The following USP33 variants were observed in gnomAD, a reference collection of about 807,000 sequenced individuals.
USP33 encodes the protein ubiquitin specific peptidase 33, also known as ubiquitin carboxyl-terminal hydrolase 33.
In USP33, 46 loss-of-function variants were observed where a neutral mutation model predicts 124.2. The observed-to-expected ratio is 0.37, with a 90% confidence interval of 0.29 to 0.47. USP33 has a LOEUF of 0.47. Ranked by LOEUF, USP33 falls within the 20% of genes least tolerant of loss-of-function variation. The pLI, the probability that USP33 is intolerant of heterozygous loss-of-function variation, is 0.99. For synonymous variants in USP33, 350 were observed against 352.3 expected, an observed-to-expected ratio of 0.99 and a Z score of 0.07; for missense variants, 851 against 1,070.6, an observed-to-expected ratio of 0.79 and a Z score of 2.86.
At chr1:77,753,505 G>T (rs717333) in intron 1 of USP33, among the ~76,000 whole-genome samples, 63,548 of 152,012 alleles carry the variant, frequency 0.42, 15,460 homozygotes, top group African/African-American at 0.67. Context: ...CTTAATGTTC[G>T]CATAAAATAA....
At chr1:77,705,201 A>T (rs571906037) in intron 21 of USP33, among the ~76,000 whole-genome samples, 390 of 143,346 alleles carry the variant, frequency 2.7e-3, no homozygotes, top group African/African-American at 6.1e-3. Context: ...TTTATTTTTT[A>T]TTTTTTTTTT....
At chr1:77,753,438 A>AAT (rs1557875344) in intron 1 of USP33, among the ~76,000 whole-genome samples, 2 of 152,148 alleles carry the variant, frequency 1.3e-5, no homozygotes, top group African/African-American at 4.8e-5. Flanking sequence ...TACAAAAAAA[A>AAT]AATAATAATT....
At chr1:77,720,688 G>A (rs1006891046) in intron 15 of USP33, 5 of 852,322 alleles carry the variant, frequency 5.9e-6, no homozygotes, top group Admixed American at 6.2e-5. Context: ...CCACTAAGAA[G>A]CATTAAAAGT....
chr1:77,706,370 T>A (rs1674629243), intron 21 of USP33, among the ~76,000 whole-genome samples: 1 of 152,230 alleles, frequency 6.6e-6, no homozygotes, highest in African/African-American at 2.4e-5. Context: ...TTTTTGCCTA[T>A]CTTCCAATTG....
chr1:77,695,992 C>T lies in USP33; in HGVS notation c.*1325G>A, dbSNP rs1673416415. 1 of 152,158 alleles carries T rather than the reference C, an allele frequency of 6.6e-6. No homozygotes were observed. The highest frequency in any genetic ancestry group is 2.4e-5 in the African/African-American group (1 of 41,436). The allele number at this position is 152,158 out of a possible 1,614,324, so 9.4% of individuals were successfully genotyped here. A position where few individuals can be genotyped will look rare whatever the true frequency, so the allele number is the denominator to read the frequency against. On this transcript the variant is annotated 3_prime_UTR_variant, in exon 24 of 24. Transcript: ENST00000370794. Reference sequence around the variant, plus strand: ...AAATAAATTCAACATTCAAGTTTTACATTTTAAAGACATTTTTATTGAGCT... The same window carrying T: ...AAATAAATTCAACATTCAAGTTTTATATTTTAAAGACATTTTTATTGAGCT...
intron 22 of USP33, among the ~76,000 whole-genome samples, chr1:77,700,974 T>C (rs960035460): frequency 6.6e-6 from 1 of 152,196 alleles, no homozygotes; most frequent in Non-Finnish European, 1.5e-5. Context: ...TTTGGGATTA[T>C]GGGCGTGAGC....
At chr1:77,740,026 T>A (rs1267475429) in intron 4 of USP33, among the ~76,000 whole-genome samples, 1 of 152,222 alleles carries the variant, frequency 6.6e-6, no homozygotes. Flanking sequence ...ATTAATTCTA[T>A]AGAGGAATCC....
At chr1:77,706,990 T>C (rs1226007091) in intron 21 of USP33, among the ~76,000 whole-genome samples, 1 of 152,178 alleles carries the variant, frequency 6.6e-6, no homozygotes, top group East Asian at 1.9e-4. Flanking sequence ...CCTGGCCATT[T>C]TGAGTTTCTC....
chr1:77,722,500 C>A (rs1194835216), intron 12 of USP33: 1 of 194,272 alleles, frequency 5.1e-6, no homozygotes, highest in African/African-American at 2.3e-5. Context: ...GCCACTGCAT[C>A]TTGAGGTCCA....
intron 11 of USP33, among the ~76,000 whole-genome samples, chr1:77,724,176 G>A (rs1411094428): frequency 2.0e-5 from 3 of 151,938 alleles, no homozygotes; most frequent in Non-Finnish European, 4.4e-5. Flanking sequence ...AATAGAAGGG[G>A]TTCGGTCTCC....
At chr1:77,697,758 CA>C in intron 23 of USP33, 104 bp downstream of exon 23, 1 of 1,183,630 alleles carries the variant, frequency 8.4e-7, no homozygotes, top group Non-Finnish European at 1.2e-6. Context: ...GTATGGATTA[CA>C]TTCTTCAGTT....
intron 18 of USP33, among the ~76,000 whole-genome samples, chr1:77,715,095 T>TAA (rs201047695): frequency 1.3e-5 from 2 of 151,014 alleles, no homozygotes; most frequent in African/African-American, 2.4e-5. Flanking sequence ...TATAAGATGC[T>TAA]AAAAAAAAAC....
At chr1:77,752,983 G>A (rs1406410152) in intron 1 of USP33, among the ~76,000 whole-genome samples, 1 of 152,094 alleles carries the variant, frequency 6.6e-6, no homozygotes, top group Non-Finnish European at 1.5e-5. Flanking sequence ...GGAGGCTGAG[G>A]CATGGGAATT....
intron 18 of USP33, 58 bp from the exon 19 acceptor site, chr1:77,714,841 T>C (rs1254060176): frequency 5.8e-6 from 9 of 1,551,888 alleles, no homozygotes; most frequent in Middle Eastern, 2.3e-4. Flanking sequence ...TACTAGTAGA[T>C]GGATTTTTCT....
At chr1:77,730,127 T>G (rs540510769) in intron 8 of USP33, among the ~76,000 whole-genome samples, 189 bp from the exon 9 acceptor site, 1 of 152,306 alleles carries the variant, frequency 6.6e-6, no homozygotes, top group South Asian at 2.1e-4. Flanking sequence ...TAAGTGATAT[T>G]TTACTGCTAT....
chr1:77,750,624 AAAAGAAAGAAAGAAAGAAAGAAAGAAAG>A (rs532432531), intron 1 of USP33, among the ~76,000 whole-genome samples: 120 of 123,386 alleles, frequency 9.7e-4, no homozygotes, highest in Admixed American at 1.9e-3. Flanking sequence ...CCTGACTTAA[AAAAGAAAGAAAGAAAGAAAGAAAGAAAG>A]AAAGAAAGAA....
intron 10 of USP33, 41 bp from the exon 11 acceptor site, chr1:77,725,803 A>C: frequency 6.5e-7 from 1 of 1,536,254 alleles, no homozygotes; most frequent in African/African-American, 1.4e-5. Flanking sequence ...TAAATAGTAA[A>C]ATTATTCTAA....
chr1:77,749,721 G>A (rs919912927), intron 1 of USP33, among the ~76,000 whole-genome samples: 3 of 151,998 alleles, frequency 2.0e-5, no homozygotes, highest in Non-Finnish European at 2.9e-5. Flanking sequence ...AGTACTGAGC[G>A]CTTTGTTTAC....
Position 77,736,136 on chromosome 1 carries a change from G to A in USP33, c.374C>T (p.Thr125Ile), listed in dbSNP as rs762151326. The part of the protein sequence containing the change: ...SVQDFKIPSN[T>I]TLKTPLVAVF... ...GGCAACCAGAGGAGTTTTTAATGTTGTATTACTGGGTATTTTAAAATCCTT... is the reference window on the plus strand; with the variant it reads ...GGCAACCAGAGGAGTTTTTAATGTTATATTACTGGGTATTTTAAAATCCTT... The change falls in exon 6 of 24, where the codon ACA (threonine) becomes ATA (isoleucine). Residue 125 changes from threonine to isoleucine, a missense_variant. Around this residue, in one of 4 missense-constraint regions of USP33, gnomAD observed 221 missense variants for 302.9 expected, o/e 0.73. Transcript: ENST00000370794. 3 of 1,610,338 alleles carry A rather than the reference G, an allele frequency of 1.9e-6. No homozygotes were observed. The highest frequency in any genetic ancestry group is 8.5e-7 in the Non-Finnish European group (1 of 1,178,000).
Sources: allele counts gnomAD v4.1 joint callset (sites outside exome capture counted in the v4.1 genomes callset), GRCh38; gene constraint gnomAD v4.1.1; regional missense constraint gnomAD v4.1.1; transcripts MANE v1.5; gene names NCBI Gene and HGNC (gene_info 2026-07-23, HGNC 2026-07-21).